Variants in GATB observed in about 807,000 individuals in gnomAD.
GATB encodes glutamyl-tRNA(Gln) amidotransferase subunit B, mitochondrial.
A neutral mutation model predicts 62.3 loss-of-function variants in GATB; 39 were observed. The observed-to-expected ratio is 0.63, with a 90% CI of 0.48 to 0.82. The LOEUF (loss-of-function observed/expected upper bound fraction) is 0.82. Among genes scored for constraint, GATB ranks in the 40% least tolerant of loss-of-function variants. GATB has a pLI of 0.00. For synonymous variants in GATB, 276 were observed against 258.9 expected (o/e 1.07, Z -0.63); for missense variants, 670 against 684.0 (o/e 0.98, Z 0.23).
rs931520110 is a variant in GATB at position 151,730,550 on chromosome 4, C to T, written c.328-11012G>A. On this transcript the variant is annotated intron_variant, in intron 2 of 12. Coordinates refer to ENST00000263985, the MANE Select transcript of GATB (RefSeq NM_004564.3). The surrounding 1 kb of genome is among the most constrained non-coding windows in gnomAD (Gnocchi z 4.1). ...CCTCTGCCACCTTCACCAGAACAGG[C>T]GCTGGTATTCACGGCTGAGAGACCA... Among the ~76,000 whole-genome samples the T allele has an allele frequency of 2.6e-5, 4 of 152,210 alleles. No homozygotes were observed. The highest frequency in any genetic ancestry group is 7.2e-5 in the African/African-American group (3 of 41,440).
intron 7 of GATB, 25 bp from the exon 8 acceptor site, chr4:151,703,920 T>C: frequency 6.3e-7 from 1 of 1,579,278 alleles, no homozygotes; most frequent in Non-Finnish European, 8.7e-7. Flanking sequence ...TAAGAAAACA[T>C]TAAACATTGA....
chr4:151,733,550 G>C lies in GATB; in HGVS notation c.328-14012C>G, dbSNP rs182154157. ...ATTCTACCAGACATTCAAAGAATTG[G>C]TATCAATCCTTTTGACACTATTCCA... On this transcript the variant is annotated intron_variant, in intron 2 of 12. Transcript: ENST00000263985. Among the ~76,000 whole-genome samples the C allele has an allele frequency of 3.9e-3, 595 of 152,230 alleles. 7 individuals carry two copies. The highest frequency in any genetic ancestry group is 7.2e-3 in the Non-Finnish European group (493 of 68,014).
intron 7 of GATB, among the ~76,000 whole-genome samples, chr4:151,704,387 G>C (rs1738669119): frequency 6.6e-6 from 1 of 152,154 alleles, no homozygotes; most frequent in Admixed American, 6.5e-5. Flanking sequence ...CTTGGGCACA[G>C]TCTGGGTCAC....
At chr4:151,709,662 G>A (rs1161412694) in intron 5 of GATB, among the ~76,000 whole-genome samples, 2 of 152,088 alleles carry the variant, frequency 1.3e-5, no homozygotes, top group African/African-American at 4.8e-5. Context: ...CTTGCCCAAG[G>A]TGCCTCGCCC....
intron 9 of GATB, among the ~76,000 whole-genome samples, chr4:151,692,186 G>A (rs1252050505): frequency 6.6e-6 from 1 of 152,168 alleles, no homozygotes; most frequent in Non-Finnish European, 1.5e-5. Context: ...TTACAGATGA[G>A]GACACGAGGC....
intron 2 of GATB, chr4:151,721,906 C>T (rs1482584803): frequency 2.3e-6 from 1 of 431,074 alleles, no homozygotes; most frequent in African/African-American, 2.1e-5. Context: ...CTTCATAAAC[C>T]ACCACTTTCC....
intron 2 of GATB, among the ~76,000 whole-genome samples, chr4:151,746,057 T>C (rs1739587965): frequency 6.6e-6 from 1 of 152,172 alleles, no homozygotes; most frequent in South Asian, 2.1e-4. Context: ...GCAGCCTGAT[T>C]ATCAGGAGTT....
chr4:151,678,113 C>CA (rs1184028744), intron 11 of GATB, among the ~76,000 whole-genome samples: 12 of 151,628 alleles, frequency 7.9e-5, no homozygotes, highest in East Asian at 3.9e-4. Context: ...GGTAGAAAAA[C>CA]AAAAAAAACC....
Position 151,682,553 on chromosome 4 carries a change from C to T in GATB, c.1332-2662G>A, listed in dbSNP as rs182101963. ...TCTCTTCCCTCCCATTCTCTGAGGC[C>T]GCGGTTCGACAGAGGAGGGGAAAGG... is the stretch of plus-strand genomic sequence containing the variant. On this transcript the variant is annotated intron_variant, in intron 10 of 12. Coordinates refer to ENST00000263985, the MANE Select transcript of GATB (RefSeq NM_004564.3). Among the ~76,000 whole-genome samples the T allele has an allele frequency of 6.3e-4, 96 of 152,194 alleles. 1 individual carries two copies. Among genetic ancestry groups the T allele is most frequent in the Non-Finnish European group, 7.4e-5 (5 of 68,016 alleles).
chr4:151,729,151 C>T (rs1346661259), intron 2 of GATB, among the ~76,000 whole-genome samples: 1 of 151,998 alleles, frequency 6.6e-6, no homozygotes, highest in Non-Finnish European at 1.5e-5. Context: ...CATGGAGGTT[C>T]GTAAGAGAAA....
intron 2 of GATB, among the ~76,000 whole-genome samples, chr4:151,726,244 A>G (rs953067264): frequency 4.6e-5 from 7 of 152,196 alleles, no homozygotes; most frequent in African/African-American, 7.2e-5. Context: ...ACTCCCTCTG[A>G]TTCATATTCA....
chr4:151,753,794 T>G (rs1578943536), intron 2 of GATB, among the ~76,000 whole-genome samples: 2 of 151,890 alleles, frequency 1.3e-5, no homozygotes, highest in South Asian at 4.2e-4. Context: ...GTCTCTCCAA[T>G]ATTAAGAAAG....
At chr4:151,694,139 G>A (rs1313690032) in intron 9 of GATB, among the ~76,000 whole-genome samples, 1 of 152,154 alleles carries the variant, frequency 6.6e-6, no homozygotes, top group Non-Finnish European at 1.5e-5. Flanking sequence ...TCTGGCTGCA[G>A]CTTAAAAACA....
At chr4:151,719,357 G>T in intron 3 of GATB, 68 bp downstream of exon 3, 2 of 1,125,902 alleles carry the variant, frequency 1.8e-6, no homozygotes, top group South Asian at 1.3e-5. Context: ...CCCTTGCTCC[G>T]ACCCCCCACA....
At chr4:151,746,516 C>CCA (rs1483133256) in intron 2 of GATB, among the ~76,000 whole-genome samples, 3 of 152,076 alleles carry the variant, frequency 2.0e-5, no homozygotes, top group Non-Finnish European at 4.4e-5. Flanking sequence ...AGACTTGGCA[C>CCA]CACAGTAAAG....
At chr4:151,739,408 G>A (rs544795365) in intron 2 of GATB, among the ~76,000 whole-genome samples, 1 of 152,204 alleles carries the variant, frequency 6.6e-6, no homozygotes, top group East Asian at 1.9e-4. Flanking sequence ...TATGCCAATG[G>A]CAAAATGACC....
In GATB at chr4:151,715,710, T is replaced by C. The variant is rs145816408; in HGVS notation, c.763+299A>G. The stretch of plus-strand genomic sequence containing the variant: ...AGAACTGTTCTTGATAAACAGTGTC[T>C]TCTTCCTGAGAAAGACTGAACTGTT... On this transcript the variant is annotated intron_variant, in intron 5 of 12. Coordinates refer to ENST00000263985, the MANE Select transcript of GATB (RefSeq NM_004564.3). Among the ~76,000 whole-genome samples, 73 of 152,362 alleles carry C rather than the reference T, an allele frequency of 4.8e-4. 1 individual carries two copies. The highest frequency in any genetic ancestry group is 1.7e-3 in the African/African-American group (71 of 41,580).
intron 11 of GATB, chr4:151,675,245 A>T (rs1248351963): frequency 1.3e-5 from 2 of 152,156 alleles, no homozygotes; most frequent in African/African-American, 4.8e-5. Context: ...GTGCCGCTAG[A>T]GAAACATCAT....
At chr4:151,760,738 G>T in intron 1 of GATB, 69 bp downstream of exon 1, 2 of 1,392,702 alleles carry the variant, frequency 1.4e-6, no homozygotes, top group Non-Finnish European at 9.6e-7. Flanking sequence ...GGCCGTAATT[G>T]CCATTATTTC....
Sources: allele counts gnomAD v4.1 joint callset (sites outside exome capture counted in the v4.1 genomes callset), GRCh38; gene constraint gnomAD v4.1.1; non-coding constraint Gnocchi (gnomAD v3.1); transcripts MANE v1.5; gene names NCBI Gene and HGNC (gene_info 2026-07-23, HGNC 2026-07-21).